The following RBM38 variants were observed in gnomAD, a reference collection of about 807,000 sequenced individuals.
The protein encoded by RBM38 is RNA binding motif protein 38.
RBM38 carries 11 observed loss-of-function variants against 23.5 expected under a neutral mutation model. The observed-to-expected ratio is 0.47, with a 90% CI of 0.29 to 0.77. The LOEUF (loss-of-function observed/expected upper bound fraction) is 0.77. Ranked by LOEUF, RBM38 falls within the 30% of genes least tolerant of loss-of-function variation. The pLI, the probability that RBM38 is intolerant of heterozygous loss-of-function variation, is 0.08. For synonymous variants in RBM38, 165 were observed against 166.1 expected (o/e 0.99, Z 0.05); for missense variants, 330 against 351.9 (o/e 0.94, Z 0.50).
In RBM38 at chr20:57,392,806, C is replaced by T. The variant is rs374374331; in HGVS notation, c.361+29C>T. 2.6e-4 allele frequency: 426 copies of T among 1,607,976 alleles called. 1 individual carries two copies. The highest frequency in any genetic ancestry group is 3.3e-4 in the Middle Eastern group (2 of 6,032). ...AGAGCTTGTGTTTTCCTGCCTGGCT[C>T]TTCTCGGTTTCTATATTGGGTGTCG... On this transcript the variant is annotated intron_variant, in intron 2 of 3. Coordinates refer to ENST00000356208, the MANE Select transcript of RBM38 (RefSeq NM_017495.6).
Position 57,408,114 on chromosome 20 carries a change from C to T in RBM38, c.*268C>T, listed in dbSNP as rs2067407250. 3 of 533,180 alleles carry T rather than the reference C, an allele frequency of 5.6e-6. No homozygotes were observed. Among genetic ancestry groups the T allele is most frequent in the African/African-American group, 3.8e-5 (2 of 52,424 alleles). The allele number at this position is 533,180 out of a possible 1,614,324, so 33.0% of individuals were successfully genotyped here. A position where few individuals can be genotyped will look rare whatever the true frequency, so the allele number is the denominator to read the frequency against. On this transcript the variant is annotated 3_prime_UTR_variant, in exon 4 of 4. Transcript: ENST00000356208. ...ACGCAATCCCAGGTTCCTTGCACAC[C>T]ATGGCAGCCTCTCCTTGCACCTTCT...
intron 3 of RBM38, among the ~76,000 whole-genome samples, chr20:57,396,321 G>A (rs1033439404): frequency 1.3e-5 from 2 of 152,346 alleles, no homozygotes; most frequent in African/African-American, 2.4e-5. Context: ...GCCGGTGGCC[G>A]TGGCCCACCA....
chr20:57,403,844 A>G (rs745775134), intron 3 of RBM38, among the ~76,000 whole-genome samples: 16 of 152,026 alleles, frequency 1.1e-4, no homozygotes, highest in Non-Finnish European at 2.1e-4. Context: ...CTGGTCCTGA[A>G]CTCTTGACCT....
At chr20:57,400,900 C>T (rs1208310457) in intron 3 of RBM38, among the ~76,000 whole-genome samples, 1 of 152,174 alleles carries the variant, frequency 6.6e-6, no homozygotes, top group African/African-American at 2.4e-5. Context: ...GGCTGTGGCT[C>T]TGCAACCCTG....
intron 3 of RBM38, among the ~76,000 whole-genome samples, chr20:57,396,569 G>A (rs749514342): frequency 3.3e-5 from 5 of 152,178 alleles, no homozygotes; most frequent in Admixed American, 1.3e-4. Context: ...CCCTGGGTGC[G>A]GGTCTCCCTG....
chr20:57,406,068 C>T (rs2067380531), intron 3 of RBM38, among the ~76,000 whole-genome samples: 2 of 152,204 alleles, frequency 1.3e-5, no homozygotes, highest in African/African-American at 2.4e-5. Flanking sequence ...CTGTGTAACA[C>T]GCAGGCGTGC....
intron 3 of RBM38, among the ~76,000 whole-genome samples, chr20:57,394,892 G>A (rs1383029632): frequency 6.6e-6 from 1 of 152,128 alleles, no homozygotes; most frequent in African/African-American, 2.4e-5. Context: ...GTGGGATAAG[G>A]CCTTCCCACG....
At chr20:57,403,366 T>C (rs942824751) in intron 3 of RBM38, among the ~76,000 whole-genome samples, 3 of 152,232 alleles carry the variant, frequency 2.0e-5, no homozygotes, top group Non-Finnish European at 4.4e-5. Flanking sequence ...AGCTCCTGCC[T>C]GGCGGGGCTT....
chr20:57,391,891 G>A (rs527505182), intron 1 of RBM38, 73 bp downstream of exon 1: 12,120 of 1,159,376 alleles, frequency 0.01, 80 homozygotes, highest in Non-Finnish European at 0.012. Context: ...AGTCCACTCC[G>A]GGGCACACGC....
In RBM38 at chr20:57,408,758, C is replaced by T. The variant is rs41274742; in HGVS notation, c.*912C>T. 3.4e-3 allele frequency: 521 copies of T among 152,372 alleles called. No individual in the cohort carries two copies. The highest frequency in any genetic ancestry group is 6.8e-3 in the Middle Eastern group (2 of 294). 9.4% of individuals were successfully genotyped at this position (152,372 alleles called of 1,614,324 possible). On this transcript the variant is annotated 3_prime_UTR_variant, in exon 4 of 4. Transcript: ENST00000356208. ...CGGGCCACTGTCTGCTGCCGCCTGC[C>T]GGGGTGGCAGAGTGAGTTGTCTCAG...
chr20:57,401,396 A>G (rs2067326835), intron 3 of RBM38, among the ~76,000 whole-genome samples: 1 of 152,142 alleles, frequency 6.6e-6, no homozygotes. Context: ...CTGTCCCTCC[A>G]GCCTGCCCAG....
intron 3 of RBM38, among the ~76,000 whole-genome samples, chr20:57,403,996 A>G (rs1464838896): frequency 2.0e-5 from 3 of 152,228 alleles, no homozygotes; most frequent in Admixed American, 6.5e-5. Context: ...ACCGACATGC[A>G]GTGTCTGCAA....
chr20:57,407,699 A>T lies in RBM38; in HGVS notation c.573A>T (p.Pro191=), dbSNP rs1242150198. 1 of 1,612,576 alleles carries T rather than the reference A, an allele frequency of 6.2e-7. No individual in the cohort carries two copies. Among genetic ancestry groups the T allele is most frequent in the Non-Finnish European group, 8.5e-7 (1 of 1,179,766 alleles). The change falls in exon 4 of 4, where the codon CCA becomes CCT. Residue 191 remains proline (P), a synonymous_variant. Coordinates refer to ENST00000356208, the MANE Select transcript of RBM38 (RefSeq NM_017495.6). The surrounding 1 kb of genome is among the most constrained non-coding windows in gnomAD (Gnocchi z 4.0). ...QYPPATYDQY[P]YAASPATAAS... is the part of the protein sequence containing the mutation. ...CACCGGCCACCTATGACCAGTACCC[A>T]TACGCCGCCTCGCCTGCCACGGCTG...
At chr20:57,399,960 T>C in intron 3 of RBM38, 1 of 456,354 alleles carries the variant, frequency 2.2e-6, no homozygotes, top group Non-Finnish European at 4.4e-6. Flanking sequence ...TGAGTCCTCC[T>C]GGGCCGTGGT....
At chr20:57,404,219 T>G (rs960429943) in intron 3 of RBM38, among the ~76,000 whole-genome samples, 1 of 152,206 alleles carries the variant, frequency 6.6e-6, no homozygotes, top group Admixed American at 6.5e-5. Context: ...CAGGCACTTG[T>G]GTTCTGTGTC....
At chr20:57,401,440 C>T (rs969023980) in intron 3 of RBM38, among the ~76,000 whole-genome samples, 3 of 152,212 alleles carry the variant, frequency 2.0e-5, no homozygotes, top group Non-Finnish European at 2.9e-5. Flanking sequence ...GCTTTCTCTG[C>T]CTTCTTGGGG....
chr20:57,392,489 C>T (rs2067230362), intron 1 of RBM38, 165 bp from the exon 2 acceptor site: 1 of 1,534,438 alleles, frequency 6.5e-7, no homozygotes, highest in Admixed American at 2.0e-5. Context: ...TGGGAGAGCC[C>T]CAGGTAGGGT....
At chr20:57,399,785 C>A (rs958553859) in intron 3 of RBM38, 2 of 422,368 alleles carry the variant, frequency 4.7e-6, no homozygotes, top group Non-Finnish European at 9.5e-6. Context: ...GCCTGCCAGG[C>A]GCCTCGGGGA....
chr20:57,392,651 C>T lies in RBM38; in HGVS notation c.238-3C>T, dbSNP rs2067232304. 1.2e-6 allele frequency: 2 copies of T among 1,610,594 alleles called. No homozygotes were observed. The highest frequency in any genetic ancestry group is 1.3e-5 in the African/African-American group (1 of 74,566). Reference sequence around the variant, plus strand: ...AGCCCCTGATGTGTCTCTGCTCCACCAGGTGACCATGGCCGACCGGGCGGC... The same window carrying T: ...AGCCCCTGATGTGTCTCTGCTCCACTAGGTGACCATGGCCGACCGGGCGGC... On this transcript the variant is annotated splice_polypyrimidine_tract_variant and splice_region_variant and intron_variant, in intron 1 of 3. Transcript: ENST00000356208.
Sources: gnomAD v4.1 joint callset for allele counts (sites outside exome capture counted in the v4.1 genomes callset) on GRCh38, gnomAD v4.1.1 for gene constraint, Gnocchi (gnomAD v3.1) non-coding constraint, MANE v1.5 for transcripts, NCBI Gene and HGNC (gene_info 2026-07-23, HGNC 2026-07-21) for gene names.